CPAMD8: variants seen among roughly 807,000 people sequenced by gnomAD.
CPAMD8 encodes the protein C3 and PZP-like alpha-2-macroglobulin domain-containing protein 8.
A neutral mutation model predicts 224.7 loss-of-function variants in CPAMD8; 146 were observed. That is an observed-to-expected ratio of 0.65 (90% CI 0.57 to 0.75). The LOEUF (loss-of-function observed/expected upper bound fraction) is 0.75. CPAMD8 is among the 30% of genes least tolerant of loss of function. The pLI is 0.00. For synonymous variants in CPAMD8, 966 were observed against 1,044.6 expected, an observed-to-expected ratio of 0.92 and a Z score of 1.45; for missense variants, 2,301 against 2,537.5, an observed-to-expected ratio of 0.91 and a Z score of 2.00.
At chr19:16,950,844 C>G (rs1285994430) in intron 20 of CPAMD8, among the ~76,000 whole-genome samples, 3 of 144,868 alleles carry the variant, frequency 2.1e-5, no homozygotes, top group African/African-American at 7.7e-5. Flanking sequence ...AAGGCATAGA[C>G]AGATTCTCCC....
At chr19:16,918,330 A>C (rs191673839) in intron 27 of CPAMD8, among the ~76,000 whole-genome samples, 9 of 152,314 alleles carry the variant, frequency 5.9e-5, no homozygotes, top group South Asian at 4.1e-4. Context: ...TTGATTACTT[A>C]GAACACCTAA....
At chr19:16,906,790 A>G (rs537228137) in intron 30 of CPAMD8, among the ~76,000 whole-genome samples, 162 bp downstream of exon 30, 35 of 151,982 alleles carry the variant, frequency 2.3e-4, no homozygotes, top group Non-Finnish European at 4.9e-4. Context: ...GCTCACTGCA[A>G]TCTCCGCCTC....
In CPAMD8 at chr19:17,004,386, C is replaced by G. The variant is rs530498998; in HGVS notation, c.560G>C (p.Gly187Ala). Reference sequence around the variant, plus strand: ...CAAGGGGAAGCTCATGTTGGTGATGCCTGTGTGAAGAGAGAGGGCAAGGGC... The same window carrying G: ...CAAGGGGAAGCTCATGTTGGTGATGGCTGTGTGAAGAGAGAGGGCAAGGGC... ...EWRHLKPFCC[G>A]ITNMSFPLSD... is the part of the protein sequence containing the mutation. The change falls in exon 8 of 42, where the codon GGC becomes GCC. Residue 187 changes from glycine (G) to alanine (A), a missense_variant and splice_region_variant. Around this residue, in one of 4 missense-constraint regions of CPAMD8, gnomAD observed 283 missense variants for 340.6 expected, o/e 0.83. Transcript: ENST00000443236. 1 of 1,605,752 alleles carries G rather than the reference C, an allele frequency of 6.2e-7. No individual in the cohort carries two copies. Among genetic ancestry groups the G allele is most frequent in the Non-Finnish European group, 8.5e-7 (1 of 1,172,630 alleles).
intron 13 of CPAMD8, among the ~76,000 whole-genome samples, chr19:16,981,795 A>G (rs748744772): frequency 9.9e-5 from 15 of 152,098 alleles, no homozygotes; most frequent in Non-Finnish European, 1.9e-4. Context: ...GGGAAGAGTG[A>G]CATTCTTGCC....
Position 16,948,792 on chromosome 19 carries a change from G to GGAGGGGAAGA in CPAMD8, c.2509-1575_2509-1566dup, listed in dbSNP as rs61022443. Among the ~76,000 whole-genome samples the GGAGGGGAAGA allele has an allele frequency of 7.1e-5, 10 of 140,124 alleles. No individual in the cohort carries two copies. In the East Asian group the frequency reaches 8.2e-4, roughly 12 times the overall value. The allele number at this position is 140,124 out of a possible 152,430, so 91.9% of individuals were successfully genotyped here. ...AGAAAAGACGGGAAAGGAGGGGAAG[G>GGAGGGGAAGA]GAGGGGAAGAGAGGGGAAGAGAGGG... is the stretch of plus-strand genomic sequence containing the variant. On this transcript the variant is annotated intron_variant, in intron 20 of 41. Coordinates refer to ENST00000443236, the MANE Select transcript of CPAMD8 (RefSeq NM_015692.5).
rs1162787076 is a variant in CPAMD8, at chr19:17,012,353, T to TCTTTC, written c.268-597_268-596insGAAAG. Among the ~76,000 whole-genome samples the TCTTTC allele has an allele frequency of 1.3e-4, 19 of 149,958 alleles. No homozygotes were observed. In the Middle Eastern group the frequency reaches 0.017, roughly 137 times the overall value. ...TTCTTTCTTTCTTTCTTTCTTTCTT[T>TCTTTC]TTTTTTTTTTTTCAGGCAGGGTTTA... On this transcript the variant is annotated intron_variant, in intron 3 of 41. Coordinates refer to ENST00000443236, the MANE Select transcript of CPAMD8 (RefSeq NM_015692.5).
At chr19:16,937,989 G>A (rs957619571) in intron 23 of CPAMD8, among the ~76,000 whole-genome samples, 2 of 152,004 alleles carry the variant, frequency 1.3e-5, no homozygotes, top group East Asian at 1.9e-4. Flanking sequence ...GTTTCACCAC[G>A]TTGGCCAGGC....
At chr19:16,984,313 CAA>C (rs34428169) in intron 13 of CPAMD8, among the ~76,000 whole-genome samples, 5 of 85,220 alleles carry the variant, frequency 5.9e-5, no homozygotes, top group Non-Finnish European at 7.2e-5. Context: ...GGTCCTATCT[CAA>C]AAAAAAAAAA....
chr19:16,974,017 A>AG (rs1326479077), intron 17 of CPAMD8, among the ~76,000 whole-genome samples: 2 of 151,088 alleles, frequency 1.3e-5, no homozygotes, highest in South Asian at 2.1e-4. Context: ...TTTAGTAGAG[A>AG]GGGGGTTTCA....
intron 23 of CPAMD8, among the ~76,000 whole-genome samples, chr19:16,933,267 T>C (rs1412679585): frequency 6.6e-6 from 1 of 150,670 alleles, no homozygotes; most frequent in African/African-American, 2.4e-5. Context: ...AAAAACAGGG[T>C]TTAGCAAAGA....
intron 12 of CPAMD8, among the ~76,000 whole-genome samples, chr19:16,992,203 G>A (rs961069495): frequency 6.6e-6 from 1 of 152,162 alleles, no homozygotes; most frequent in Non-Finnish European, 1.5e-5. Flanking sequence ...GCTCCAGTTT[G>A]GAGACCTCTC....
In CPAMD8 at chr19:16,943,659, T is replaced by C. The variant is rs150453896; in HGVS notation, c.2793+1890A>G. 1.8e-3 allele frequency among the ~76,000 whole-genome samples: 271 copies of C among 152,362 alleles called. 2 individuals are homozygous for C. Among genetic ancestry groups the C allele is most frequent in the Non-Finnish European group, 1.8e-3 (121 of 68,028 alleles). On this transcript the variant is annotated intron_variant, in intron 22 of 41. Coordinates refer to ENST00000443236, the MANE Select transcript of CPAMD8 (RefSeq NM_015692.5). ...TTCATTTCTCTAATTCATCAGCTGA[T>C]GGACATTTCCTAAAATAGAAAGTGT...
At position 16,987,180 on chromosome 19, in the gene CPAMD8, ATAT is replaced by A. The variant is rs1197862014; in HGVS notation, c.1395+2460_1395+2462del. On this transcript the variant is annotated intron_variant, in intron 13 of 41. Transcript: ENST00000443236. ...AAAAAAAAAAAAAAAAAAAAAAAAA[ATAT>A]ATATATATATATATATATATATATA... 7.3e-3 allele frequency among the ~76,000 whole-genome samples: 304 copies of A among 41,892 alleles called. 3 individuals are homozygous for A. Among genetic ancestry groups the A allele is most frequent in the Non-Finnish European group, 8.5e-3 (216 of 25,378 alleles). The allele number at this position is 41,892 out of a possible 152,430, so 27.5% of individuals were successfully genotyped here.
chr19:17,004,565 G>A (rs778222606), intron 7 of CPAMD8, among the ~76,000 whole-genome samples, 179 bp from the exon 8 acceptor site: 6 of 152,006 alleles, frequency 3.9e-5, no homozygotes, highest in Non-Finnish European at 7.4e-5. Context: ...TCAGGCCAGC[G>A]GAGCAGGTTT....
chr19:17,012,260 C>A (rs2056676170), intron 3 of CPAMD8, among the ~76,000 whole-genome samples: 1 of 152,126 alleles, frequency 6.6e-6, no homozygotes, highest in African/African-American at 2.4e-5. Context: ...CTCAAGCAAT[C>A]CATCTGCCTC....
Position 16,952,029 on chromosome 19 carries a change from G to C in CPAMD8, c.2448C>G (p.Ile816Met), listed in dbSNP as rs1350385226. The change falls in exon 20 of 42, where the codon ATC becomes ATG. Residue 816 changes from isoleucine (I) to methionine (M), a missense_variant. Ile to Met is a conservative substitution (Grantham distance 10). This residue lies in a region of CPAMD8 where 1,709 missense variants were observed against 1,753.2 expected (regional missense o/e 0.97). Coordinates refer to ENST00000443236, the MANE Select transcript of CPAMD8 (RefSeq NM_015692.5). ...GCGGGATCTTGACCTGCTCCCCACG[G>C]ATGATGAGAGCGGGGAGCATGAAGT... is the stretch of plus-strand genomic sequence containing the variant. The part of the protein sequence containing the change: ...FVDFMLPALI[I>M]RGEQVKIPLS... 1 of 1,585,156 alleles carries C rather than the reference G, an allele frequency of 6.3e-7. No homozygotes were observed. The highest frequency in any genetic ancestry group is 1.1e-5 in the South Asian group (1 of 87,212).
intron 27 of CPAMD8, among the ~76,000 whole-genome samples, chr19:16,920,602 T>C (rs1281405730): frequency 6.6e-6 from 1 of 152,094 alleles, no homozygotes; most frequent in Non-Finnish European, 1.5e-5. Flanking sequence ...ACGCCTGTAA[T>C]CCCAGCACTT....
chr19:16,992,368 T>A (rs879918589), intron 12 of CPAMD8, among the ~76,000 whole-genome samples: 2 of 152,166 alleles, frequency 1.3e-5, no homozygotes, highest in Non-Finnish European at 2.9e-5. Context: ...GGTGGAAGGA[T>A]GGCTTGAGTC....
intron 30 of CPAMD8, among the ~76,000 whole-genome samples, chr19:16,906,030 C>A (rs928664076): frequency 6.6e-6 from 1 of 152,160 alleles, no homozygotes; most frequent in Non-Finnish European, 1.5e-5. Context: ...TTCCAGGAAG[C>A]CTGGCCGGAG....
Sources: allele counts gnomAD v4.1 joint callset (sites outside exome capture counted in the v4.1 genomes callset), GRCh38; gene constraint gnomAD v4.1.1; regional missense constraint gnomAD v4.1.1; transcripts MANE v1.5; gene names NCBI Gene and HGNC (gene_info 2026-07-23, HGNC 2026-07-21).